The following CACNG5 variants were observed in gnomAD, a reference collection of about 807,000 sequenced individuals.
CACNG5 encodes calcium voltage-gated channel auxiliary subunit gamma 5, also known as voltage-dependent calcium channel gamma-5 subunit.
Under a neutral mutation model 24.8 loss-of-function variants are expected in CACNG5, and 18 were observed. The ratio of observed to expected loss-of-function variants is 0.73; its 90% confidence interval spans 0.50 to 1.08. CACNG5 has a LOEUF of 1.08. CACNG5 is among the 50% of genes least tolerant of loss of function. The probability of loss-of-function intolerance (pLI) is 0.00; values close to 1 mark genes in which losing one functional copy is unlikely to be tolerated. For missense variants in CACNG5, 349 were observed against 367.9 expected, an observed-to-expected ratio of 0.95 and a Z score of 0.42; for synonymous variants, 157 against 149.1, an observed-to-expected ratio of 1.05 and a Z score of -0.39.
In CACNG5 at chr17:66,869,902, T is replaced by TGAAACCATGTAGA. The variant is rs1976979278; in HGVS notation, c.-103-7322_-103-7321insATGTAGAGAAACC. ...ATTGAGACCATCCTGGCCAACATGG[T>TGAAACCATGTAGA]GAAACCCCGTCTCTACTAAAAATAC... On this transcript the variant is annotated intron_variant, in intron 1 of 5. Transcript: ENST00000533854. Among the ~76,000 whole-genome samples the TGAAACCATGTAGA allele has an allele frequency of 3.3e-5, 5 of 152,066 alleles. 1 individual carries two copies. The South Asian group carries it at 1.0e-3, about 32-fold the overall frequency.
chr17:66,873,286 A>G (rs1055784240), intron 1 of CACNG5, among the ~76,000 whole-genome samples: 5 of 152,156 alleles, frequency 3.3e-5, no homozygotes, highest in Non-Finnish European at 1.5e-5. Flanking sequence ...AATGAATAAG[A>G]TTGCTATTTT....
chr17:66,862,892 C>CTCTCTCTCTCTCTGTGTG (rs567913804), intron 1 of CACNG5, among the ~76,000 whole-genome samples: 1 of 142,172 alleles, frequency 7.0e-6, no homozygotes, highest in African/African-American at 2.7e-5. Flanking sequence ...AGCATATTCT[C>CTCTCTCTCTCTCTGTGTG]TGTGTGTGTG....
At chr17:66,869,121 T>A (rs1455586655) in intron 1 of CACNG5, among the ~76,000 whole-genome samples, 1 of 152,192 alleles carries the variant, frequency 6.6e-6, no homozygotes, top group Non-Finnish European at 1.5e-5. Flanking sequence ...TCTCGCTCTG[T>A]CATCCAGGTT....
rs1208935444 is a variant in CACNG5 at position 66,893,825 on chromosome 17, T to C, written c.*8585T>C. ...CTGAAGCACTGGAAGCGTAAATTCCTGAGTTGATGGGTGTGTGGGGTGCAA... is the reference window on the plus strand; with the variant it reads ...CTGAAGCACTGGAAGCGTAAATTCCCGAGTTGATGGGTGTGTGGGGTGCAA... On this transcript the variant is annotated 3_prime_UTR_variant, in exon 6 of 6. Transcript: ENST00000533854. Among the ~76,000 whole-genome samples, 3 of 151,444 alleles carry C rather than the reference T, an allele frequency of 2.0e-5. No individual in the cohort carries two copies. The highest frequency in any genetic ancestry group is 2.1e-4 in the South Asian group (1 of 4,790).
intron 1 of CACNG5, among the ~76,000 whole-genome samples, chr17:66,863,633 C>A (rs894463543): frequency 6.6e-6 from 1 of 152,186 alleles, no homozygotes; most frequent in African/African-American, 2.4e-5. Flanking sequence ...TCCCAAAGTG[C>A]TGGGATTACA....
chr17:66,856,238 C>A (rs1382156224), intron 1 of CACNG5, among the ~76,000 whole-genome samples: 3 of 152,206 alleles, frequency 2.0e-5, no homozygotes, highest in African/African-American at 4.8e-5. Context: ...AACGCTCAAC[C>A]AAATTGCTTT....
intron 1 of CACNG5, among the ~76,000 whole-genome samples, chr17:66,869,713 G>A (rs1976976222): frequency 6.6e-6 from 1 of 152,162 alleles, no homozygotes; most frequent in African/African-American, 2.4e-5. Flanking sequence ...TCACATCTAG[G>A]TAGTGAGAAG....
chr17:66,840,124 G>A (rs1219724935), intron 1 of CACNG5, among the ~76,000 whole-genome samples: 1 of 152,190 alleles, frequency 6.6e-6, no homozygotes, highest in Non-Finnish European at 1.5e-5. Flanking sequence ...CGGGGCTTTT[G>A]TTGGGAGTGC....
At chr17:66,874,939 G>C (rs1200951351) in intron 1 of CACNG5, among the ~76,000 whole-genome samples, 1 of 152,042 alleles carries the variant, frequency 6.6e-6, no homozygotes, top group Non-Finnish European at 1.5e-5. Context: ...TAAATGACAG[G>C]GTTTGGCTAA....
chr17:66,882,937 T>TTCCATCCA (rs113055446), intron 4 of CACNG5, among the ~76,000 whole-genome samples: 52 of 150,520 alleles, frequency 3.5e-4, no homozygotes, highest in African/African-American at 6.1e-4. Flanking sequence ...TTCTTTCTCC[T>TTCCATCCA]TCCATCCATC....
At chr17:66,836,642 A>G (rs1049457466) in intron 1 of CACNG5, among the ~76,000 whole-genome samples, 5 of 152,218 alleles carry the variant, frequency 3.3e-5, no homozygotes, top group African/African-American at 1.2e-4. Context: ...TCTCAGGGCC[A>G]GGTCCCCAGG....
In CACNG5 at chr17:66,885,338, C is replaced by G. The variant is rs889095726; in HGVS notation, c.*98C>G. ...GCCCCAGGCCTGTGGTTGACAGGCC[C>G]AGGCCACCCATGCTTAGCTGTTGTC... On this transcript the variant is annotated 3_prime_UTR_variant, in exon 6 of 6. Coordinates refer to ENST00000533854, the MANE Select transcript of CACNG5 (RefSeq NM_145811.3). 2.1e-6 allele frequency: 3 copies of G among 1,400,552 alleles called. No individual in the cohort carries two copies. The highest frequency in any genetic ancestry group is 2.9e-6 in the Non-Finnish European group (3 of 1,044,328). 86.8% of individuals were successfully genotyped at this position (1,400,552 alleles called of 1,614,324 possible). A position where few individuals can be genotyped will look rare whatever the true frequency, so the allele number is the denominator to read the frequency against.
At chr17:66,877,811 A>G (rs1336225981) in intron 2 of CACNG5, among the ~76,000 whole-genome samples, 3 of 152,216 alleles carry the variant, frequency 2.0e-5, no homozygotes, top group African/African-American at 7.2e-5. Context: ...CCAGGACTGG[A>G]TGCCAATGAC....
intron 1 of CACNG5, among the ~76,000 whole-genome samples, chr17:66,840,806 G>A (rs61442487): frequency 0.022 from 3,325 of 152,226 alleles, 142 homozygotes; most frequent in African/African-American, 0.076. Flanking sequence ...TGGGACTGTC[G>A]GGCACACCGG....
At chr17:66,848,166 T>C (rs1333377218) in intron 1 of CACNG5, among the ~76,000 whole-genome samples, 1 of 152,220 alleles carries the variant, frequency 6.6e-6, no homozygotes, top group African/African-American at 2.4e-5. Flanking sequence ...TTTCTGAATC[T>C]GAACCTGACA....
chr17:66,879,174 G>A, intron 3 of CACNG5, 116 bp downstream of exon 3: 1 of 696,676 alleles, frequency 1.4e-6, no homozygotes, highest in Non-Finnish European at 2.5e-6. Context: ...GACTCAGCTG[G>A]GTGTGCTGTC....
chr17:66,840,739 G>T (rs1400806993), intron 1 of CACNG5, among the ~76,000 whole-genome samples: 1 of 152,182 alleles, frequency 6.6e-6, no homozygotes, highest in African/African-American at 2.4e-5. Context: ...CCTGTGTGGG[G>T]ATGTCTTCCT....
At chr17:66,882,359 A>C (rs940745720) in intron 4 of CACNG5, among the ~76,000 whole-genome samples, 3 of 152,084 alleles carry the variant, frequency 2.0e-5, no homozygotes, top group Admixed American at 2.0e-4. Context: ...TCCTTATGAC[A>C]TCTGGGAGGA....
intron 1 of CACNG5, among the ~76,000 whole-genome samples, chr17:66,849,209 C>T (rs12450457): frequency 0.12 from 17,618 of 152,150 alleles, 1,483 homozygotes; most frequent in East Asian, 0.32. Context: ...CCTCCACCCC[C>T]TCTTCCCTCC....
Sources: allele counts gnomAD v4.1 joint callset (sites outside exome capture counted in the v4.1 genomes callset), GRCh38; gene constraint gnomAD v4.1.1; transcripts MANE v1.5; gene names NCBI Gene and HGNC (gene_info 2026-07-23, HGNC 2026-07-21).